DNAH3: variants seen among roughly 807,000 people sequenced by gnomAD.
DNAH3 encodes the protein dynein axonemal heavy chain 3.
Under a neutral mutation model 432.5 loss-of-function variants are expected in DNAH3, and 332 were observed. That is an observed-to-expected ratio of 0.77 (90% CI 0.70 to 0.84). The LOEUF (loss-of-function observed/expected upper bound fraction) is 0.84, where lower values mean the gene tolerates loss of function less well. Ranked by LOEUF, DNAH3 falls within the 40% of genes least tolerant of loss-of-function variation. DNAH3 has a pLI of 0.00. For missense variants in DNAH3, 4,861 were observed against 5,114.0 expected (o/e 0.95, Z 1.51); for synonymous variants, 1,956 against 1,900.2 (o/e 1.03, Z -0.76).
chr16:21,104,477 A>C (rs1337122489), exon 16 of DNAH3: 1 of 1,613,720 alleles, frequency 6.2e-7, no homozygotes, highest in Non-Finnish European at 8.5e-7. Flanking sequence ...GTACCTTTTA[A>C]TCAGATCCAT....
intron 24 of DNAH3, among the ~76,000 whole-genome samples, chr16:21,065,444 A>G (rs1436572588): frequency 2.0e-5 from 3 of 152,136 alleles, no homozygotes; most frequent in Non-Finnish European, 4.4e-5. Flanking sequence ...TACAGGCAGG[A>G]GCCACCACGC....
At chr16:21,054,391 G>C (rs778783232) in intron 28 of DNAH3, 29 bp downstream of exon 28, 1 of 1,527,224 alleles carries the variant, frequency 6.5e-7, no homozygotes. Flanking sequence ...TGGATAGTCA[G>C]TAATGACAGG....
At chr16:20,946,666 T>TA (rs746385374) in intron 57 of DNAH3, among the ~76,000 whole-genome samples, 35 of 152,218 alleles carry the variant, frequency 2.3e-4, no homozygotes, top group Non-Finnish European at 4.6e-4. Flanking sequence ...CTAACTCCCC[T>TA]AGCCCTTGTT....
At chr16:20,956,818 G>A (rs1460613997) in intron 54 of DNAH3, among the ~76,000 whole-genome samples, 2 of 152,062 alleles carry the variant, frequency 1.3e-5, no homozygotes, top group Non-Finnish European at 2.9e-5. Context: ...CCACCTCCTG[G>A]GTTCAAGGAA....
chr16:21,033,865 C>T (rs1480448084), intron 36 of DNAH3, 109 bp downstream of exon 36: 10 of 676,436 alleles, frequency 1.5e-5, no homozygotes, highest in East Asian at 2.7e-5. Context: ...CTAGCTCTGA[C>T]GTCACGATCG....
intron 58 of DNAH3, among the ~76,000 whole-genome samples, chr16:20,942,069 T>TAAA (rs66695399): frequency 9.6e-5 from 12 of 125,102 alleles, no homozygotes; most frequent in African/African-American, 2.7e-4. Context: ...GTCTAAAAGT[T>TAAA]AAAAAAAAAA....
intron 58 of DNAH3, among the ~76,000 whole-genome samples, chr16:20,943,029 T>A (rs1467561086): frequency 6.6e-6 from 1 of 152,096 alleles, no homozygotes; most frequent in East Asian, 1.9e-4. Flanking sequence ...GTTCAAGTGA[T>A]CCTCCTGCCG....
intron 41 of DNAH3, among the ~76,000 whole-genome samples, chr16:21,009,817 G>GTGAGCCGTGA (rs2087492386): frequency 1.3e-5 from 2 of 151,682 alleles, no homozygotes; most frequent in Admixed American, 6.6e-5. Context: ...TAAGACTGCA[G>GTGAGCCGTGA]TGAGCCGTGA....
At chr16:21,040,898 A>G (rs1271318139) in intron 32 of DNAH3, among the ~76,000 whole-genome samples, 1 of 152,202 alleles carries the variant, frequency 6.6e-6, no homozygotes, top group Non-Finnish European at 1.5e-5. Flanking sequence ...TTAGAGGAGA[A>G]GTAACTTGCC....
intron 28 of DNAH3, 146 bp downstream of exon 28, chr16:21,054,274 G>T: frequency 1.6e-6 from 1 of 632,488 alleles, no homozygotes; most frequent in Non-Finnish European, 2.7e-6. Context: ...AGAGCCCTTT[G>T]GCTCTCATCT....
At chr16:21,086,202 T>C (rs1206383080) in intron 19 of DNAH3, among the ~76,000 whole-genome samples, 1 of 152,166 alleles carries the variant, frequency 6.6e-6, no homozygotes, top group Non-Finnish European at 1.5e-5. Context: ...GAAGTGACAA[T>C]TATTTTAGAA....
At chr16:21,156,996 A>AACAC (rs34199213) in intron 1 of DNAH3, among the ~76,000 whole-genome samples, 3,744 of 147,368 alleles carry the variant, frequency 0.025, 55 homozygotes, top group East Asian at 0.067. Flanking sequence ...AATCTAAGGA[A>AACAC]ACACACACAC....
chr16:20,979,368 G>C (rs766508707), exon 50 of DNAH3: 2 of 1,614,152 alleles, frequency 1.2e-6, no homozygotes, highest in Non-Finnish European at 8.5e-7. Flanking sequence ...AAGCCTGTCA[G>C]GTAGCGGTTC....
Position 20,964,152 on chromosome 16 carries a change from CTCCAAGA to C in DNAH3, c.9725_9731del (p.Ile3242ArgfsTer39). On this transcript the variant is annotated frameshift_variant, in exon 53 of 62. Transcript: ENST00000261383. LOFTEE classifies it high-confidence loss of function. ...TGTTACCCTTGGACATGGAGAGAAC[CTCCAAGA>C]TCTTATCTTCAATTTCCTTGAGATG... 1 of 1,614,166 alleles carries C rather than the reference CTCCAAGA, an allele frequency of 6.2e-7. No individual in the cohort carries two copies. The highest frequency in any genetic ancestry group is 8.5e-7 in the Non-Finnish European group (1 of 1,180,032).
In DNAH3 at chr16:21,137,621, C is replaced by T. The variant is rs1358482575; in HGVS notation, c.697-1108G>A. 2.6e-5 allele frequency among the ~76,000 whole-genome samples: 4 copies of T among 152,048 alleles called. No individual in the cohort carries two copies. In the East Asian group the frequency reaches 7.8e-4, roughly 30 times the overall value. On this transcript the variant is annotated intron_variant, in intron 5 of 61. Transcript: ENST00000261383. Reference sequence around the variant, plus strand: ...TATTTTTAGTGGAGACGGGGTTTCACCATGTTGGCCAGGCTGGTCTCAAAC... The same window carrying T: ...TATTTTTAGTGGAGACGGGGTTTCATCATGTTGGCCAGGCTGGTCTCAAAC...
intron 14 of DNAH3, among the ~76,000 whole-genome samples, chr16:21,108,474 T>C (rs2091996996): frequency 6.6e-6 from 1 of 152,188 alleles, no homozygotes; most frequent in Non-Finnish European, 1.5e-5. Flanking sequence ...CCGGGTGTGG[T>C]GGCTCACGCC....
At chr16:21,042,691 A>T (rs1018458081) in intron 31 of DNAH3, among the ~76,000 whole-genome samples, 7 of 151,738 alleles carry the variant, frequency 4.6e-5, no homozygotes, top group African/African-American at 1.7e-4. Context: ...TTTAATTATT[A>T]TACTTTAAGT....
At chr16:21,120,428 C>T (rs976375311) in intron 11 of DNAH3, among the ~76,000 whole-genome samples, 1 of 152,162 alleles carries the variant, frequency 6.6e-6, no homozygotes, top group Admixed American at 6.5e-5. Flanking sequence ...TCTTTTTAAA[C>T]CATATATACG....
intron 3 of DNAH3, among the ~76,000 whole-genome samples, chr16:21,142,332 A>T (rs1270443884): frequency 6.6e-6 from 1 of 152,106 alleles, no homozygotes; most frequent in Admixed American, 6.6e-5. Context: ...GCACCATTGC[A>T]CTCCAGCCTG....
Sources: allele counts gnomAD v4.1 joint callset (sites outside exome capture counted in the v4.1 genomes callset), GRCh38; gene constraint gnomAD v4.1.1; transcripts MANE v1.5; gene names NCBI Gene and HGNC (gene_info 2026-07-23, HGNC 2026-07-21).